NEGR1: variants seen among roughly 807,000 people sequenced by gnomAD.
The protein encoded by NEGR1 is IgLON family member 4.
Under a neutral mutation model 40.9 loss-of-function variants are expected in NEGR1, and 10 were observed. That is an observed-to-expected ratio of 0.24 (90% CI 0.15 to 0.42). The LOEUF (loss-of-function observed/expected upper bound fraction) is 0.42, where lower values mean the gene tolerates loss of function less well. Ranked by LOEUF, NEGR1 falls within the 10% of genes least tolerant of loss-of-function variation. The pLI, the probability that NEGR1 is intolerant of heterozygous loss-of-function variation, is 1.00. For synonymous variants in NEGR1, 185 were observed against 166.8 expected, an observed-to-expected ratio of 1.11 and a Z score of -0.84; for missense variants, 352 against 438.9, an observed-to-expected ratio of 0.80 and a Z score of 1.77.
At chr1:71,640,430 C>G (rs1306479320) in intron 4 of NEGR1, among the ~76,000 whole-genome samples, 1 of 152,028 alleles carries the variant, frequency 6.6e-6, no homozygotes, top group Non-Finnish European at 1.5e-5. Context: ...CTGGCCTTCC[C>G]TACTGATTCA....
chr1:72,277,619 T>C (rs1433570187), intron 1 of NEGR1, among the ~76,000 whole-genome samples: 1 of 152,184 alleles, frequency 6.6e-6, no homozygotes, highest in Non-Finnish European at 1.5e-5. Context: ...TTAGCATTTA[T>C]TACATATCCT....
intron 6 of NEGR1, among the ~76,000 whole-genome samples, chr1:71,440,587 T>G (rs577671342): frequency 2.0e-5 from 3 of 152,216 alleles, no homozygotes; most frequent in African/African-American, 7.2e-5. Flanking sequence ...ATACTACTGA[T>G]TCCTTTAGAC....
chr1:71,967,622 A>C (rs1023623246), intron 1 of NEGR1, among the ~76,000 whole-genome samples: 1 of 152,214 alleles, frequency 6.6e-6, no homozygotes, highest in African/African-American at 2.4e-5. Context: ...ATCTCCACAT[A>C]ATCAACAACT....
At chr1:71,764,574 C>T (rs1411794093) in intron 3 of NEGR1, among the ~76,000 whole-genome samples, 2 of 152,170 alleles carry the variant, frequency 1.3e-5, no homozygotes, top group African/African-American at 2.4e-5. Context: ...ATCAACAAGG[C>T]ATTTGGCCCA....
Position 71,941,094 on chromosome 1 carries a change from A to G in NEGR1, c.177-5783T>C, listed in dbSNP as rs528641731. ...TAAACTGAGTGAAAATAATATTCCT[A>G]TGAAGAGACTTACCAGCTACCTTTA... On this transcript the variant is annotated intron_variant, in intron 1 of 6. Transcript: ENST00000357731. Among the ~76,000 whole-genome samples, 3 of 152,326 alleles carry G rather than the reference A, an allele frequency of 2.0e-5. No homozygotes were observed. In the South Asian group the frequency reaches 6.2e-4, roughly 32 times the overall value.
chr1:71,850,137 TTTTG>T (rs370506321), intron 2 of NEGR1, among the ~76,000 whole-genome samples: 2,717 of 93,382 alleles, frequency 0.029, 70 homozygotes, highest in African/African-American at 0.089. Flanking sequence ...TACTGTCTTT[TTTTG>T]TTTGTTTGTT....
intron 1 of NEGR1, among the ~76,000 whole-genome samples, chr1:72,078,637 A>ATG (rs1372693481): frequency 7.3e-6 from 1 of 136,742 alleles, no homozygotes; most frequent in East Asian, 2.1e-4. Context: ...ATATATATAT[A>ATG]TTTATTTATT....
rs1281468378 is a variant in NEGR1, at chr1:71,401,260, T to C, written c.*6186A>G. On this transcript the variant is annotated 3_prime_UTR_variant, in exon 7 of 7. Coordinates refer to ENST00000357731, the MANE Select transcript of NEGR1 (RefSeq NM_173808.3). ...TAAATTCTGAGGGGTAAAGATTCAA[T>C]TGAATTCTCCTCCTCACTCTGGAAG... 2 of 152,158 alleles carry C rather than the reference T, an allele frequency of 1.3e-5. No individual in the cohort carries two copies. Among genetic ancestry groups the C allele is most frequent in the African/African-American group, 2.4e-5 (1 of 41,438 alleles). 9.4% of individuals were successfully genotyped at this position (152,158 alleles called of 1,614,324 possible). A position where few individuals can be genotyped will look rare whatever the true frequency, so the allele number is the denominator to read the frequency against.
At chr1:72,166,567 G>T in intron 1 of NEGR1, among the ~76,000 whole-genome samples, 1 of 152,072 alleles carries the variant, frequency 6.6e-6, no homozygotes, top group Non-Finnish European at 1.5e-5. Flanking sequence ...AGAAAATGTG[G>T]TAATATGCAC....
intron 6 of NEGR1, among the ~76,000 whole-genome samples, chr1:71,591,105 C>A (rs563551925): frequency 2.9e-4 from 44 of 152,178 alleles, no homozygotes; most frequent in African/African-American, 1.0e-3. Context: ...AATATATGAA[C>A]ATTTTTTCAA....
intron 2 of NEGR1, among the ~76,000 whole-genome samples, chr1:71,789,475 A>C (rs945240681): frequency 1.3e-4 from 20 of 152,212 alleles, no homozygotes; most frequent in Non-Finnish European, 1.8e-4. Context: ...CTACATTCCA[A>C]GGAACAGAAA....
intron 2 of NEGR1, among the ~76,000 whole-genome samples, chr1:71,934,832 T>G (rs1383888211): frequency 6.6e-6 from 1 of 152,138 alleles, no homozygotes; most frequent in East Asian, 1.9e-4. Context: ...TGTGTATGTG[T>G]GTGCGCGTGT....
At chr1:71,688,419 G>GATATATATAAAAA (rs1557613892) in intron 4 of NEGR1, among the ~76,000 whole-genome samples, 2 of 4,948 alleles carry the variant, frequency 4.0e-4, no homozygotes, top group Non-Finnish European at 9.0e-4. Flanking sequence ...ATATATAAAA[G>GATATATATAAAAA]ATATATATAT....
intron 6 of NEGR1, among the ~76,000 whole-genome samples, chr1:71,520,334 C>T (rs1305327410): frequency 6.6e-6 from 1 of 152,040 alleles, no homozygotes; most frequent in East Asian, 1.9e-4. Flanking sequence ...TGGAGACAGG[C>T]TGACCTACCT....
At chr1:71,658,265 G>C (rs1316122571) in intron 4 of NEGR1, among the ~76,000 whole-genome samples, 1 of 152,046 alleles carries the variant, frequency 6.6e-6, no homozygotes, top group Non-Finnish European at 1.5e-5. Context: ...TTAAGGTTTT[G>C]TTTGTTTATT....
intron 3 of NEGR1, among the ~76,000 whole-genome samples, chr1:71,757,027 G>A (rs1345663062): frequency 6.6e-6 from 1 of 151,996 alleles, no homozygotes. Context: ...CTGAAACAGA[G>A]CCTTAGACAA....
intron 1 of NEGR1, among the ~76,000 whole-genome samples, chr1:72,084,583 T>G (rs1648135592): frequency 6.6e-6 from 1 of 152,202 alleles, no homozygotes; most frequent in African/African-American, 2.4e-5. Flanking sequence ...TTTTGTCTAG[T>G]TTGTTCATGG....
chr1:71,410,634 A>G (rs1038375126), intron 6 of NEGR1, among the ~76,000 whole-genome samples: 2 of 152,150 alleles, frequency 1.3e-5, no homozygotes, highest in Admixed American at 6.5e-5. Flanking sequence ...GTACACACAT[A>G]TCTCATTTTT....
At chr1:71,672,874 CA>C (rs1178001037) in intron 4 of NEGR1, among the ~76,000 whole-genome samples, 1 of 152,166 alleles carries the variant, frequency 6.6e-6, no homozygotes, top group Non-Finnish European at 1.5e-5. Flanking sequence ...ATCCAGCACA[CA>C]ACACCTAACG....
Sources: gnomAD v4.1 joint callset for allele counts (sites outside exome capture counted in the v4.1 genomes callset) on GRCh38, gnomAD v4.1.1 for gene constraint, MANE v1.5 for transcripts, NCBI Gene and HGNC (gene_info 2026-07-23, HGNC 2026-07-21) for gene names.